Variants in DOK6 observed in about 807,000 individuals in gnomAD.
DOK6 encodes the protein docking protein 6.
A neutral mutation model predicts 44.0 loss-of-function variants in DOK6; 22 were observed. The observed-to-expected ratio is 0.50, with a 90% confidence interval of 0.36 to 0.71. The LOEUF (loss-of-function observed/expected upper bound fraction) is 0.71. DOK6 is among the 30% of genes least tolerant of loss of function. The pLI, the probability that DOK6 is intolerant of heterozygous loss-of-function variation, is 0.00. For missense variants in DOK6, 340 were observed against 416.4 expected (o/e 0.82, Z 1.60); for synonymous variants, 166 against 145.5 (o/e 1.14, Z -1.01).
At chr18:69,638,646 G>A (rs1599235081) in intron 3 of DOK6, among the ~76,000 whole-genome samples, 1 of 152,132 alleles carries the variant, frequency 6.6e-6, no homozygotes. Flanking sequence ...TCATTGGCTT[G>A]TGGTGCTTGT....
At chr18:69,758,455 A>G (rs1184269256) in intron 7 of DOK6, among the ~76,000 whole-genome samples, 1 of 145,948 alleles carries the variant, frequency 6.9e-6, no homozygotes, top group Non-Finnish European at 1.5e-5. Context: ...AGCTTGCCAG[A>G]TGAATCAAAT....
chr18:69,460,131 A>G (rs1979747900), intron 1 of DOK6, among the ~76,000 whole-genome samples: 1 of 152,168 alleles, frequency 6.6e-6, no homozygotes, highest in African/African-American at 2.4e-5. Flanking sequence ...CACAATATAT[A>G]AGGGATATAA....
At chr18:69,759,867 AAT>A (rs1429041155) in intron 7 of DOK6, among the ~76,000 whole-genome samples, 1 of 152,182 alleles carries the variant, frequency 6.6e-6, no homozygotes. Flanking sequence ...CAGAGTGAAA[AAT>A]ATGTATTGAC....
chr18:69,804,254 C>A lies in DOK6; in HGVS notation c.857-36990C>A, dbSNP rs75038857. ...TGTTTTCACTGAGACAACGAAAAAACAAGACTTTTAACTTTATAATTCATT... is the reference window on the plus strand; with the variant it reads ...TGTTTTCACTGAGACAACGAAAAAAAAAGACTTTTAACTTTATAATTCATT... On this transcript the variant is annotated intron_variant, in intron 7 of 7. Coordinates refer to ENST00000382713, the MANE Select transcript of DOK6 (RefSeq NM_152721.6). Among the ~76,000 whole-genome samples the A allele has an allele frequency of 4.8e-4, 73 of 152,180 alleles. No homozygotes were observed. In the East Asian group the frequency reaches 0.012, roughly 24 times the overall value.
At chr18:69,807,482 A>C (rs748508102) in intron 7 of DOK6, among the ~76,000 whole-genome samples, 1 of 151,958 alleles carries the variant, frequency 6.6e-6, no homozygotes, top group Non-Finnish European at 1.5e-5. Context: ...TAAAATTGTC[A>C]ATCAAAAACA....
intron 3 of DOK6, among the ~76,000 whole-genome samples, chr18:69,670,548 T>C (rs1193100624): frequency 6.7e-6 from 1 of 149,454 alleles, no homozygotes; most frequent in Admixed American, 6.7e-5. Flanking sequence ...TCTCACTCTG[T>C]CACCAGGCTG....
intron 7 of DOK6, among the ~76,000 whole-genome samples, chr18:69,780,808 C>T (rs557101088): frequency 6.6e-6 from 1 of 152,276 alleles, no homozygotes; most frequent in East Asian, 1.9e-4. Context: ...AAGTGAAAAT[C>T]ATGTGACCAT....
At chr18:69,706,741 T>A (rs943261053) in intron 5 of DOK6, among the ~76,000 whole-genome samples, 3 of 142,850 alleles carry the variant, frequency 2.1e-5, no homozygotes, top group African/African-American at 7.8e-5. Flanking sequence ...TGTCCATGTG[T>A]TCTCATTGTT....
At chr18:69,825,485 G>C (rs1036455344) in intron 7 of DOK6, among the ~76,000 whole-genome samples, 1 of 133,266 alleles carries the variant, frequency 7.5e-6, no homozygotes, top group African/African-American at 2.9e-5. Flanking sequence ...ACCCAGACTG[G>C]AATGCAGTGG....
At chr18:69,627,229 T>A (rs1420830680) in intron 3 of DOK6, among the ~76,000 whole-genome samples, 1 of 151,932 alleles carries the variant, frequency 6.6e-6, no homozygotes, top group Non-Finnish European at 1.5e-5. Context: ...CAAAAAAGAC[T>A]CAGAGAAGAG....
intron 1 of DOK6, among the ~76,000 whole-genome samples, chr18:69,457,123 C>A (rs1979653628): frequency 6.6e-6 from 1 of 152,102 alleles, no homozygotes; most frequent in African/African-American, 2.4e-5. Context: ...TTGATAGTTT[C>A]TTTCACTGTG....
chr18:69,700,238 TTGA>T (rs1986489088), intron 5 of DOK6, among the ~76,000 whole-genome samples: 4 of 147,804 alleles, frequency 2.7e-5, no homozygotes, highest in Non-Finnish European at 4.5e-5. Context: ...TATATATGAA[TTGA>T]ATGTTGTTGT....
chr18:69,499,066 A>C (rs1980977342), intron 1 of DOK6, among the ~76,000 whole-genome samples: 1 of 152,198 alleles, frequency 6.6e-6, no homozygotes, highest in Non-Finnish European at 1.5e-5. Context: ...AATAATTTTG[A>C]ATATTACATT....
intron 1 of DOK6, among the ~76,000 whole-genome samples, chr18:69,547,320 C>T (rs772355940): frequency 3.3e-5 from 5 of 151,504 alleles, no homozygotes; most frequent in Non-Finnish European, 3.0e-5. Context: ...AGACTGGTCT[C>T]GAACTCCTGA....
intron 1 of DOK6, among the ~76,000 whole-genome samples, chr18:69,505,622 T>C (rs1599163358): frequency 6.7e-6 from 1 of 149,544 alleles, no homozygotes; most frequent in African/African-American, 2.5e-5. Context: ...CTCAGCCTCC[T>C]GAGTAGCTGG....
chr18:69,457,191 G>A (rs1254990272), intron 1 of DOK6, among the ~76,000 whole-genome samples: 1 of 152,032 alleles, frequency 6.6e-6, no homozygotes, highest in Non-Finnish European at 1.5e-5. Flanking sequence ...TCTTGCAATT[G>A]CTTTTGGGGA....
intron 2 of DOK6, among the ~76,000 whole-genome samples, chr18:69,597,929 A>G (rs1983783888): frequency 6.6e-6 from 1 of 152,230 alleles, no homozygotes; most frequent in Admixed American, 6.5e-5. Flanking sequence ...AAGATGATCA[A>G]CTGTAACTTT....
chr18:69,646,934 T>G (rs891235317), intron 3 of DOK6, among the ~76,000 whole-genome samples: 5 of 152,192 alleles, frequency 3.3e-5, no homozygotes, highest in African/African-American at 1.2e-4. Context: ...CACTCTCTCC[T>G]TTCTTCATAT....
chr18:69,816,195 G>A (rs1195410509), intron 7 of DOK6, among the ~76,000 whole-genome samples: 1 of 152,108 alleles, frequency 6.6e-6, no homozygotes, highest in Non-Finnish European at 1.5e-5. Flanking sequence ...TCCTATTTTG[G>A]GTTATTGAAG....
Sources: allele counts gnomAD v4.1 joint callset (sites outside exome capture counted in the v4.1 genomes callset), GRCh38; gene constraint gnomAD v4.1.1; transcripts MANE v1.5; gene names NCBI Gene and HGNC (gene_info 2026-07-23, HGNC 2026-07-21).